Variants in LRP8 observed in about 807,000 individuals in gnomAD.
LRP8 encodes the protein LDL receptor related protein 8.
Under a neutral mutation model 111.6 loss-of-function variants are expected in LRP8, and 46 were observed. The observed-to-expected ratio is 0.41, with a 90% CI of 0.33 to 0.53. The LOEUF (loss-of-function observed/expected upper bound fraction) is 0.53, where lower values mean the gene tolerates loss of function less well. Ranked by LOEUF, LRP8 falls within the 20% of genes least tolerant of loss-of-function variation. The pLI is 0.20. For missense variants in LRP8, 959 were observed against 1,297.4 expected (o/e 0.74, Z 4.01); for synonymous variants, 464 against 511.2 (o/e 0.91, Z 1.24).
At chr1:53,269,026 A>G (rs1309367061) in intron 8 of LRP8, among the ~76,000 whole-genome samples, 1 of 152,018 alleles carries the variant, frequency 6.6e-6, no homozygotes, top group East Asian at 1.9e-4. Context: ...TCCCTTCCCT[A>G]CTCAGAGCCC....
At chr1:53,287,859 G>A (rs1468655435) in intron 3 of LRP8, among the ~76,000 whole-genome samples, 1 of 152,086 alleles carries the variant, frequency 6.6e-6, no homozygotes, top group African/African-American at 2.4e-5. Context: ...GATGGTGAGA[G>A]GGAGGGTGAG....
intron 2 of LRP8, among the ~76,000 whole-genome samples, chr1:53,324,714 G>A (rs948140565): frequency 1.4e-4 from 21 of 152,170 alleles, no homozygotes; most frequent in African/African-American, 4.6e-4. Flanking sequence ...GCGTCACTCA[G>A]CACCCAGCTA....
chr1:53,265,771 C>T (rs889959587), intron 9 of LRP8, among the ~76,000 whole-genome samples: 4 of 152,238 alleles, frequency 2.6e-5, no homozygotes, highest in East Asian at 1.9e-4. Context: ...GTCTACCCAG[C>T]GCCTGGTCAT....
intron 2 of LRP8, among the ~76,000 whole-genome samples, chr1:53,297,295 G>A (rs1419374458): frequency 6.6e-6 from 1 of 152,216 alleles, no homozygotes; most frequent in Non-Finnish European, 1.5e-5. Flanking sequence ...GCTGCGGATG[G>A]CAGCCTCTGA....
intron 2 of LRP8, among the ~76,000 whole-genome samples, chr1:53,319,186 C>T (rs1654175432): frequency 6.6e-6 from 1 of 152,108 alleles, no homozygotes; most frequent in African/African-American, 2.4e-5. Context: ...TGTGAGGCAC[C>T]AACTGGAAAA....
intron 2 of LRP8, among the ~76,000 whole-genome samples, chr1:53,300,526 C>T (rs1165697702): frequency 6.6e-6 from 1 of 152,244 alleles, no homozygotes; most frequent in African/African-American, 2.4e-5. Flanking sequence ...CGGGAAGCCC[C>T]TTCCAGGCTG....
rs1337600096 is a variant in LRP8 at position 53,277,017 on chromosome 1, G to A, written c.558C>T (p.Cys186=). The change falls in exon 5 of 19, where the codon TGC becomes TGT. Residue 186 remains cysteine (C), a synonymous_variant. Coordinates refer to ENST00000306052, the MANE Select transcript of LRP8 (RefSeq NM_004631.5). The part of the protein sequence containing the change: ...NRSCLAAVFV[C]DGDDDCGDGS... ...CGTCACCACAGTCGTCGTCGCCGTC[G>A]CACACGAACACGGCGGCCAGGCACG... The A allele has an allele frequency of 6.6e-7, 1 of 1,519,622 alleles. No individual in the cohort carries two copies. The highest frequency in any genetic ancestry group is 1.2e-5 in the South Asian group (1 of 83,702). The allele number at this position is 1,519,622 out of a possible 1,614,324, so 94.1% of individuals were successfully genotyped here. A position where few individuals can be genotyped will look rare whatever the true frequency, so the allele number is the denominator to read the frequency against.
chr1:53,313,452 G>T (rs143277420), intron 2 of LRP8, among the ~76,000 whole-genome samples: 6 of 152,202 alleles, frequency 3.9e-5, no homozygotes, highest in African/African-American at 1.4e-4. Flanking sequence ...TCCTCCACAG[G>T]TCCCTGTCCC....
intron 6 of LRP8, among the ~76,000 whole-genome samples, chr1:53,274,239 A>C (rs1646847567): frequency 6.6e-6 from 1 of 152,162 alleles, no homozygotes; most frequent in South Asian, 2.1e-4. Context: ...TTACTCCCAC[A>C]CAGGTATGGC....
At chr1:53,286,760 C>T (rs1647619529) in intron 3 of LRP8, among the ~76,000 whole-genome samples, 1 of 152,252 alleles carries the variant, frequency 6.6e-6, no homozygotes. Context: ...CCGCTCAATG[C>T]AACTCCCTTC....
chr1:53,276,776 A>C lies in LRP8; in HGVS notation c.799T>G (p.Cys267Gly). The change falls in exon 5 of 19, where the codon TGC becomes GGC. Residue 267 changes from cysteine to glycine, a missense_variant. Coordinates refer to ENST00000306052, the MANE Select transcript of LRP8 (RefSeq NM_004631.5). ...AGGTGCACGCACTCGCCGCTGCGGC[A>C]GGCGAACTGGGAGGCGGTGGCGCAG... ...AACATASQFA[C>G]RSGECVHLGW... 7.1e-7 allele frequency: 1 copy of C among 1,411,190 alleles called. No individual in the cohort carries two copies. The highest frequency in any genetic ancestry group is 2.6e-5 in the Admixed American group (1 of 37,862). The allele number at this position is 1,411,190 out of a possible 1,614,324, so 87.4% of individuals were successfully genotyped here.
At chr1:53,285,153 A>G (rs1467369771) in intron 3 of LRP8, among the ~76,000 whole-genome samples, 1 of 152,230 alleles carries the variant, frequency 6.6e-6, no homozygotes, top group Non-Finnish European at 1.5e-5. Flanking sequence ...GCCCAGAAAG[A>G]GTAAGTTGTT....
At chr1:53,268,663 A>C (rs1322737683) in intron 8 of LRP8, 2 of 152,210 alleles carry the variant, frequency 1.3e-5, no homozygotes, top group African/African-American at 4.8e-5. Flanking sequence ...ATACCTAACC[A>C]GTTTTCTTAA....
At chr1:53,259,797 C>T (rs775585914) in intron 13 of LRP8, among the ~76,000 whole-genome samples, 9 of 152,138 alleles carry the variant, frequency 5.9e-5, no homozygotes, top group Non-Finnish European at 1.0e-4. Context: ...CATAAGCCCG[C>T]GGTTTTTATT....
chr1:53,292,647 G>A (rs569283852), intron 2 of LRP8, among the ~76,000 whole-genome samples: 6 of 152,230 alleles, frequency 3.9e-5, no homozygotes, highest in African/African-American at 1.2e-4. Context: ...TCTTTTTCTC[G>A]TTCTAACACT....
At chr1:53,324,087 C>A (rs1654843990) in intron 2 of LRP8, among the ~76,000 whole-genome samples, 1 of 152,208 alleles carries the variant, frequency 6.6e-6, no homozygotes, top group Non-Finnish European at 1.5e-5. Flanking sequence ...GCAGCTCAAG[C>A]CCTCTTGCAG....
chr1:53,254,534 C>A (rs145443882), intron 16 of LRP8, among the ~76,000 whole-genome samples: 9 of 152,028 alleles, frequency 5.9e-5, no homozygotes, highest in Admixed American at 4.6e-4. Flanking sequence ...CCTACCAGGT[C>A]GTAATGAACT....
intron 12 of LRP8, among the ~76,000 whole-genome samples, chr1:53,261,607 G>A (rs1646342691): frequency 6.6e-6 from 1 of 152,204 alleles, no homozygotes; most frequent in Admixed American, 6.5e-5. Flanking sequence ...CTTGAGACTA[G>A]GATAGTGTCT....
At chr1:53,291,009 C>T (rs1011159986) in intron 2 of LRP8, among the ~76,000 whole-genome samples, 3 of 152,132 alleles carry the variant, frequency 2.0e-5, no homozygotes, top group African/African-American at 2.4e-5. Context: ...ATCCAGGACC[C>T]GCTACAGAAC....
Sources: gnomAD v4.1 joint callset for allele counts (sites outside exome capture counted in the v4.1 genomes callset) on GRCh38, gnomAD v4.1.1 for gene constraint, MANE v1.5 for transcripts, NCBI Gene and HGNC (gene_info 2026-07-23, HGNC 2026-07-21) for gene names.